CCSER1: variants seen among roughly 807,000 people sequenced by gnomAD.
The protein encoded by CCSER1 is coiled-coil serine rich protein 1.
A neutral mutation model predicts 82.0 loss-of-function variants in CCSER1; 41 were observed. That is an observed-to-expected ratio of 0.50 (90% confidence interval 0.39 to 0.65). The LOEUF (loss-of-function observed/expected upper bound fraction) is 0.65. Among genes scored for constraint, CCSER1 ranks in the 30% least tolerant of loss-of-function variants. The probability of loss-of-function intolerance (pLI) is 0.00; values close to 1 mark genes in which losing one functional copy is unlikely to be tolerated. For missense variants in CCSER1, 1,119 were observed against 1,064.2 expected (o/e 1.05, Z -0.72); for synonymous variants, 414 against 383.9 (o/e 1.08, Z -0.92).
At chr4:90,997,877 A>G (rs9992030) in intron 9 of CCSER1, among the ~76,000 whole-genome samples, 8,595 of 152,126 alleles carry the variant, frequency 0.056, 271 homozygotes, top group Middle Eastern at 0.092. Context: ...TCATTTGTCA[A>G]TTTCTTACAG....
At position 91,599,708 on chromosome 4, in the gene CCSER1, G is replaced by C. The variant is rs1301913212; in HGVS notation, c.*651G>C. 1.3e-5 allele frequency: 2 copies of C among 152,030 alleles called. No homozygotes were observed. The highest frequency in any genetic ancestry group is 1.3e-4 in the Admixed American group (2 of 15,246). The allele number at this position is 152,030 out of a possible 1,614,324, so 9.4% of individuals were successfully genotyped here. A position where few individuals can be genotyped will look rare whatever the true frequency, so the allele number is the denominator to read the frequency against. On this transcript the variant is annotated 3_prime_UTR_variant, in exon 11 of 11. Coordinates refer to ENST00000509176, the MANE Select transcript of CCSER1 (RefSeq NM_001145065.2). ...ACTAGTTCACAAAGGATTTCAGACA[G>C]AGTAATTGCTAGCCAAATAGAGAAT...
chr4:90,719,614 T>G, intron 6 of CCSER1, among the ~76,000 whole-genome samples: 1 of 152,160 alleles, frequency 6.6e-6, no homozygotes, highest in East Asian at 1.9e-4. Flanking sequence ...ATTAGGTTTT[T>G]GCAGAACATT....
intron 10 of CCSER1, among the ~76,000 whole-genome samples, chr4:91,431,245 A>G (rs1210007783): frequency 6.6e-6 from 1 of 152,118 alleles, no homozygotes; most frequent in Non-Finnish European, 1.5e-5. Flanking sequence ...CAAAAACAGC[A>G]ACAACAACAA....
intron 9 of CCSER1, among the ~76,000 whole-genome samples, chr4:91,080,003 A>G (rs113772970): frequency 0.037 from 5,619 of 152,272 alleles, 330 homozygotes; most frequent in African/African-American, 0.13. Context: ...CATTAGACAG[A>G]TCAACAAGAC....
At chr4:90,574,370 G>A (rs1301982349) in intron 5 of CCSER1, among the ~76,000 whole-genome samples, 2 of 143,886 alleles carry the variant, frequency 1.4e-5, no homozygotes, top group Admixed American at 7.3e-5. Context: ...CCGGGTTCAC[G>A]CCATTCTCCT....
Position 90,925,077 on chromosome 4 carries a change from C to T in CCSER1, c.2172+1630C>T, listed in dbSNP as rs146360052. On this transcript the variant is annotated intron_variant, in intron 9 of 10. Coordinates refer to ENST00000509176, the MANE Select transcript of CCSER1 (RefSeq NM_001145065.2). ...ATATGCTAGTCCTTAGGATATAAAC[C>T]CAATATGTGTTTTACAAATAACAAC... 6.3e-3 allele frequency among the ~76,000 whole-genome samples: 951 copies of T among 152,086 alleles called. 6 individuals carry two copies. Among genetic ancestry groups the T allele is most frequent in the African/African-American group, 0.021 (854 of 41,492 alleles).
At chr4:91,248,696 A>G (rs1230195380) in intron 10 of CCSER1, among the ~76,000 whole-genome samples, 3 of 152,184 alleles carry the variant, frequency 2.0e-5, no homozygotes, top group African/African-American at 7.2e-5. Flanking sequence ...GGTATCCTGG[A>G]TGGGTTTCTG....
At chr4:91,034,520 A>T (rs959884343) in intron 9 of CCSER1, among the ~76,000 whole-genome samples, 1 of 136,408 alleles carries the variant, frequency 7.3e-6, no homozygotes, top group East Asian at 2.5e-4. Context: ...AATTATATTT[A>T]AAAATAACTA....
chr4:91,244,512 G>C (rs1448211415), intron 10 of CCSER1, among the ~76,000 whole-genome samples: 3 of 152,212 alleles, frequency 2.0e-5, no homozygotes, highest in African/African-American at 7.2e-5. Context: ...GAGAAAGTCA[G>C]AGAAAAGAAC....
intron 10 of CCSER1, among the ~76,000 whole-genome samples, chr4:91,288,251 T>C (rs1743474799): frequency 6.6e-6 from 1 of 151,408 alleles, no homozygotes; most frequent in Non-Finnish European, 1.5e-5. Context: ...GTAAAGAACA[T>C]TGTTCATACC....
chr4:90,584,691 T>TAAC (rs1781796318), intron 5 of CCSER1, among the ~76,000 whole-genome samples: 1 of 152,230 alleles, frequency 6.6e-6, no homozygotes, highest in Admixed American at 6.5e-5. Flanking sequence ...ACACAGTGCT[T>TAAC]ACTAGCACAC....
At chr4:90,311,687 A>G (rs1380778172) in intron 2 of CCSER1, among the ~76,000 whole-genome samples, 3 of 152,202 alleles carry the variant, frequency 2.0e-5, no homozygotes, top group Non-Finnish European at 2.9e-5. Context: ...TAGGTGTACA[A>G]TCATGTCAGA....
At chr4:90,705,689 A>G (rs906057877) in intron 6 of CCSER1, among the ~76,000 whole-genome samples, 1 of 152,082 alleles carries the variant, frequency 6.6e-6, no homozygotes, top group Non-Finnish European at 1.5e-5. Context: ...CCCCTCCCCC[A>G]GTCTCACTGC....
At chr4:90,180,138 ATAT>A (rs766712565) in intron 1 of CCSER1, among the ~76,000 whole-genome samples, 4,914 of 148,836 alleles carry the variant, frequency 0.033, 117 homozygotes, top group South Asian at 0.057. Context: ...ATATATATAT[ATAT>A]AAATTATATT....
intron 10 of CCSER1, among the ~76,000 whole-genome samples, chr4:91,097,650 G>T (rs1218347016): frequency 3.3e-5 from 5 of 152,080 alleles, no homozygotes; most frequent in Non-Finnish European, 7.4e-5. Context: ...TAACTTTATA[G>T]ACATACTCAT....
At position 90,410,929 on chromosome 4, in the gene CCSER1, A is replaced by G. The variant is rs1754672091; in HGVS notation, c.1603+10800A>G. Among the ~76,000 whole-genome samples, 4 of 152,254 alleles carry G rather than the reference A, an allele frequency of 2.6e-5. No individual in the cohort carries two copies. In the South Asian group the frequency reaches 8.3e-4, roughly 31 times the overall value. ...AAGAATCAAATAGACACAATAAAAA[A>G]TGACAAAGAGGATATCACCACTGAT... On this transcript the variant is annotated intron_variant, in intron 4 of 10. Transcript: ENST00000509176.
At chr4:91,449,626 G>T (rs867891885) in intron 10 of CCSER1, among the ~76,000 whole-genome samples, 47 of 151,862 alleles carry the variant, frequency 3.1e-4, no homozygotes, top group African/African-American at 1.0e-3. Flanking sequence ...GACCTCATTT[G>T]GTTCTCCTCA....
chr4:90,663,136 T>C (rs527884393), intron 6 of CCSER1, among the ~76,000 whole-genome samples: 1 of 152,290 alleles, frequency 6.6e-6, no homozygotes. Context: ...ATTTTGATAG[T>C]AAAATAATGG....
chr4:91,313,141 T>C (rs1578175399), intron 10 of CCSER1, among the ~76,000 whole-genome samples: 1 of 152,058 alleles, frequency 6.6e-6, no homozygotes, highest in East Asian at 1.9e-4. Flanking sequence ...ATGAACATTT[T>C]AAAATCTGTC....
Sources: gnomAD v4.1 joint callset for allele counts (sites outside exome capture counted in the v4.1 genomes callset) on GRCh38, gnomAD v4.1.1 for gene constraint, MANE v1.5 for transcripts, NCBI Gene and HGNC (gene_info 2026-07-23, HGNC 2026-07-21) for gene names.